CLASP1: variants seen among roughly 807,000 people sequenced by gnomAD.
CLASP1 encodes CLIP-associating protein 1.
CLASP1 carries 38 observed loss-of-function variants against 192.3 expected under a neutral mutation model. That is an observed-to-expected ratio of 0.20 (90% confidence interval 0.15 to 0.26). The LOEUF (loss-of-function observed/expected upper bound fraction) is 0.26, where lower values mean the gene tolerates loss of function less well. CLASP1 is among the 10% of genes least tolerant of loss of function. The pLI is 1.00. For synonymous variants in CLASP1, 691 were observed against 712.8 expected (o/e 0.97, Z 0.49); for missense variants, 1,433 against 1,932.5 (o/e 0.74, Z 4.85).
rs539783146 is a variant in CLASP1, at chr2:121,577,353, A to C, written c.195+28348T>G. On this transcript the variant is annotated intron_variant, in intron 2 of 39. Coordinates refer to ENST00000263710, the Ensembl canonical transcript of CLASP1. ...CCTAAATCTCTATCAATAGGAGACA[A>C]ATTAAGTAGATCATAACACATAAAA... Among the ~76,000 whole-genome samples, 3 of 152,342 alleles carry C rather than the reference A, an allele frequency of 2.0e-5. No individual in the cohort carries two copies. The East Asian group carries it at 5.8e-4, about 29-fold the overall frequency.
chr2:121,529,795 A>G (rs1184809436), intron 3 of CLASP1, among the ~76,000 whole-genome samples: 2 of 152,260 alleles, frequency 1.3e-5, no homozygotes, highest in Non-Finnish European at 2.9e-5. Flanking sequence ...GCTTGGTTTT[A>G]TAGGATTTCT....
rs2090654647 is a variant in CLASP1 at position 121,471,175 on chromosome 2, G to A, written c.713-1215C>T. 2.0e-5 allele frequency among the ~76,000 whole-genome samples: 3 copies of A among 152,164 alleles called. No individual in the cohort carries two copies. In the South Asian group the frequency reaches 6.2e-4, roughly 32 times the overall value. The stretch of plus-strand genomic sequence containing the variant: ...GTGTGCCTGTAGTCCCAGATACTCA[G>A]AAGGCTGAGGCAGGAGCATCAACTT... On this transcript the variant is annotated intron_variant, in intron 8 of 39. Transcript: ENST00000263710.
chr2:121,417,908 T>TA (rs112548314), intron 23 of CLASP1, among the ~76,000 whole-genome samples: 144 of 152,342 alleles, frequency 9.5e-4, no homozygotes, highest in African/African-American at 3.3e-3. Context: ...CAGATCCACA[T>TA]AATTTCAGGT....
intron 2 of CLASP1, among the ~76,000 whole-genome samples, chr2:121,574,914 A>T (rs560657614): frequency 1.5e-4 from 23 of 151,418 alleles, no homozygotes; most frequent in African/African-American, 5.6e-4. Context: ...CTGCACTCCA[A>T]CTTGGGCTAC....
intron 33 of CLASP1, 149 bp downstream of exon 34, chr2:121,382,059 C>G: frequency 1.5e-6 from 1 of 674,976 alleles, no homozygotes; most frequent in South Asian, 1.7e-5. Flanking sequence ...CCTGCTCACA[C>G]TTCTCACCAA....
intron 2 of CLASP1, among the ~76,000 whole-genome samples, chr2:121,592,201 T>C (rs1314043539): frequency 6.6e-6 from 1 of 152,226 alleles, no homozygotes; most frequent in African/African-American, 2.4e-5. Flanking sequence ...TTTGCTTTTC[T>C]TCCCCTCCCA....
At chr2:121,462,945 T>C (rs1041683313) in intron 9 of CLASP1, among the ~76,000 whole-genome samples, 4 of 152,206 alleles carry the variant, frequency 2.6e-5, no homozygotes, top group Non-Finnish European at 1.5e-5. Flanking sequence ...GCAGAAAATT[T>C]AATTCATCAG....
In CLASP1 at chr2:121,457,863, C is replaced by G; in HGVS notation, c.1315-106G>C. The G allele has an allele frequency of 5.6e-6, 4 of 708,454 alleles. No individual in the cohort carries two copies. In the South Asian group the frequency reaches 6.0e-5, roughly 11 times the overall value. 43.9% of individuals were successfully genotyped at this position (708,454 alleles called of 1,614,324 possible). ...AACCTACTTATAGCACATATATATT[C>G]AGATTAGAATGTCAGTGAGTTTTAA... is the stretch of plus-strand genomic sequence containing the variant. On this transcript the variant is annotated intron_variant, in intron 13 of 39. Transcript: ENST00000263710.
intron 1 of CLASP1, among the ~76,000 whole-genome samples, chr2:121,633,242 ATATAAC>A (rs2070146623): frequency 6.6e-6 from 1 of 152,164 alleles, no homozygotes; most frequent in South Asian, 2.1e-4. Context: ...GCGAATTCTC[ATATAAC>A]TATAATATAC....
intron 23 of CLASP1, among the ~76,000 whole-genome samples, chr2:121,416,768 A>G (rs2078655028): frequency 6.6e-6 from 1 of 152,214 alleles, no homozygotes; most frequent in Admixed American, 6.5e-5. Flanking sequence ...GTCAAACCTG[A>G]ATTCAAACCC....
At chr2:121,588,513 A>G (rs548848335) in intron 2 of CLASP1, among the ~76,000 whole-genome samples, 1 of 152,304 alleles carries the variant, frequency 6.6e-6, no homozygotes, top group Non-Finnish European at 1.5e-5. Context: ...AATAATGAAG[A>G]TCATCAGAAG....
At chr2:121,586,690 C>A (rs2061750734) in intron 2 of CLASP1, among the ~76,000 whole-genome samples, 1 of 151,880 alleles carries the variant, frequency 6.6e-6, no homozygotes, top group Non-Finnish European at 1.5e-5. Flanking sequence ...AATGTGTTTC[C>A]ATTGTGTCCA....
At chr2:121,404,516 G>A (rs1325139471) in intron 25 of CLASP1, 82 bp from the exon 27 acceptor site, 1 of 1,237,292 alleles carries the variant, frequency 8.1e-7, no homozygotes, top group Non-Finnish European at 1.2e-6. Context: ...ACCCAGGCTA[G>A]AGTGCAGTGG....
At chr2:121,578,070 T>A (rs2060709763) in intron 2 of CLASP1, among the ~76,000 whole-genome samples, 1 of 151,846 alleles carries the variant, frequency 6.6e-6, no homozygotes. Flanking sequence ...GTAACTGGAG[T>A]TATGGGCACC....
intron 19 of CLASP1, among the ~76,000 whole-genome samples, chr2:121,441,056 C>G (rs2083251656): frequency 6.6e-6 from 1 of 152,060 alleles, no homozygotes; most frequent in Non-Finnish European, 1.5e-5. Flanking sequence ...GCCATACCTT[C>G]TAGAAAAGAC....
chr2:121,618,564 G>GAATT (rs2066824962), intron 1 of CLASP1, among the ~76,000 whole-genome samples: 1 of 151,956 alleles, frequency 6.6e-6, no homozygotes, highest in South Asian at 2.1e-4. Context: ...CATACACCAA[G>GAATT]AATTATCTAT....
chr2:121,536,923 A>C (rs1178672074), intron 2 of CLASP1, among the ~76,000 whole-genome samples: 2 of 152,268 alleles, frequency 1.3e-5, no homozygotes, highest in Non-Finnish European at 2.9e-5. Context: ...AAAACTAGTT[A>C]CATGGTGAAT....
At chr2:121,524,243 A>AC (rs774418846) in intron 6 of CLASP1, among the ~76,000 whole-genome samples, 18 of 152,254 alleles carry the variant, frequency 1.2e-4, no homozygotes, top group Non-Finnish European at 2.2e-4. Context: ...CGGCAGCGAA[A>AC]CCCCCAGAGT....
Position 121,421,279 on chromosome 2 carries a change from G to C in CLASP1, c.2213-2550C>G, listed in dbSNP as rs922071307. ...TTTATTTAATTTCTTTTTTTGAGAC[G>C]GAGTCTTGCTCTGTCACCTGGGCTG... On this transcript the variant is annotated intron_variant, in intron 22 of 39. Transcript: ENST00000263710. Among the ~76,000 whole-genome samples the C allele has an allele frequency of 6.6e-5, 10 of 152,080 alleles. No individual in the cohort carries two copies. In the South Asian group the frequency reaches 1.7e-3, roughly 25 times the overall value.
Sources: allele counts gnomAD v4.1 joint callset (sites outside exome capture counted in the v4.1 genomes callset), GRCh38; gene constraint gnomAD v4.1.1; transcripts MANE v1.5; gene names NCBI Gene and HGNC (gene_info 2026-07-23, HGNC 2026-07-21).